The following ADAMTS20 variants were observed in gnomAD, a reference collection of about 807,000 sequenced individuals.
ADAMTS20 encodes ADAM metallopeptidase with thrombospondin type 1 motif 20.
A neutral mutation model predicts 260.1 loss-of-function variants in ADAMTS20; 225 were observed. That is an observed-to-expected ratio of 0.87 (90% CI 0.78 to 0.97). ADAMTS20 has a LOEUF of 0.97. Among genes scored for constraint, ADAMTS20 ranks in the 50% least tolerant of loss-of-function variants. ADAMTS20 has a pLI of 0.00. For synonymous variants in ADAMTS20, 802 were observed against 769.5 expected (o/e 1.04, Z -0.70); for missense variants, 2,400 against 2,337.7 (o/e 1.03, Z -0.55).
intron 15 of ADAMTS20, among the ~76,000 whole-genome samples, chr12:43,444,846 A>G (rs1941731512): frequency 6.6e-6 from 1 of 152,232 alleles, no homozygotes; most frequent in South Asian, 2.1e-4. Flanking sequence ...GCTTAAATTT[A>G]CAACCCTAAT....
At chr12:43,471,033 G>A (rs541562185) in intron 7 of ADAMTS20, among the ~76,000 whole-genome samples, 35 of 152,262 alleles carry the variant, frequency 2.3e-4, no homozygotes, top group African/African-American at 7.5e-4. Context: ...CAGCGTGAGC[G>A]ACGCAGAAGA....
chr12:43,419,975 A>C (rs1377734721), intron 28 of ADAMTS20, among the ~76,000 whole-genome samples: 1 of 152,216 alleles, frequency 6.6e-6, no homozygotes, highest in African/African-American at 2.4e-5. Context: ...GCAAAATATT[A>C]TTCTTTTATG....
intron 3 of ADAMTS20, among the ~76,000 whole-genome samples, chr12:43,514,007 A>G (rs559749029): frequency 6.7e-6 from 1 of 150,128 alleles, no homozygotes; most frequent in Non-Finnish European, 1.5e-5. Context: ...ACATGTATAC[A>G]TATGTAACTA....
In ADAMTS20 at chr12:43,550,958, A is replaced by G; in HGVS notation, c.404T>C (p.Val135Ala). The G allele has an allele frequency of 6.2e-7, 1 of 1,600,744 alleles. No individual in the cohort carries two copies. The highest frequency in any genetic ancestry group is 8.5e-7 in the Non-Finnish European group (1 of 1,171,362). ...DLRHCFYRGQ[V>A]NSQEDYKAVV... Reference sequence around the variant, plus strand: ...GGCCTTGTAATCCTCCTGTGAGTTGACCTGGCCGCGGTAGAAGCAGTGGCG... The same window carrying G: ...GGCCTTGTAATCCTCCTGTGAGTTGGCCTGGCCGCGGTAGAAGCAGTGGCG... The change falls in exon 2 of 39, where the codon GTC (valine) becomes GCC (alanine). Residue 135 changes from valine to alanine, a missense_variant. Val to Ala is a moderately conservative substitution (Grantham distance 64, BLOSUM62 0). Coordinates refer to ENST00000389420, the MANE Select transcript of ADAMTS20 (RefSeq NM_025003.5).
intron 3 of ADAMTS20, among the ~76,000 whole-genome samples, chr12:43,517,441 C>A (rs1376370796): frequency 6.6e-6 from 1 of 151,808 alleles, no homozygotes; most frequent in Non-Finnish European, 1.5e-5. Flanking sequence ...ATATCATTTA[C>A]AATACTGTCA....
In ADAMTS20 at chr12:43,551,248, G is replaced by C; in HGVS notation, c.114C>G (p.Thr38=). The C allele has an allele frequency of 6.2e-7, 1 of 1,613,514 alleles. No homozygotes were observed. Among genetic ancestry groups the C allele is most frequent in the Admixed American group, 1.7e-5 (1 of 60,014 alleles). The change falls in exon 2 of 39, where the codon ACC becomes ACG. Residue 38 remains threonine, a synonymous_variant. Coordinates refer to ENST00000389420, the MANE Select transcript of ADAMTS20 (RefSeq NM_025003.5). This position sits in a 1 kb window ranked among gnomAD's most constrained non-coding sequence, Gnocchi z 4.6. ...PRQEALVRTL[T]SYEVVIPERV... The stretch of plus-strand genomic sequence containing the variant: ...GCTCGGGGATCACTACTTCGTAGGA[G>C]GTCAGTGTCCTCACCAGGGCTTCTG...
At chr12:43,415,216 C>T (rs1941106515) in intron 28 of ADAMTS20, among the ~76,000 whole-genome samples, 2 of 151,992 alleles carry the variant, frequency 1.3e-5, no homozygotes, top group African/African-American at 4.8e-5. Context: ...AACTGCAAGG[C>T]GGGATGTGGG....
Position 43,443,817 on chromosome 12 carries a change from G to A in ADAMTS20, c.2264C>T (p.Ser755Phe), listed in dbSNP as rs1436853130. The change falls in exon 16 of 39, where the codon TCT (serine) becomes TTT (phenylalanine). Residue 755 changes from serine to phenylalanine, a missense_variant. Physicochemically the swap from Ser to Phe is radical, Grantham distance 155. Coordinates refer to ENST00000389420, the MANE Select transcript of ADAMTS20 (RefSeq NM_025003.5). ...TNVDIRQYSY[S>F]GQPDDSYLAL... ...AAGGTAACTGTCATCTGGTTGTCCA[G>A]AATAGCTGTACTGACGAATGTCAAC... is the stretch of plus-strand genomic sequence containing the variant. 13 of 1,612,462 alleles carry A rather than the reference G, an allele frequency of 8.1e-6. No homozygotes were observed. The East Asian group carries it at 8.9e-5, about 11-fold the overall frequency.
chr12:43,441,411 A>C (rs1941663725), intron 16 of ADAMTS20, among the ~76,000 whole-genome samples: 1 of 152,028 alleles, frequency 6.6e-6, no homozygotes. Flanking sequence ...ATGTCACCCA[A>C]AATCATGCGT....
chr12:43,542,074 C>G (rs1268150133), intron 2 of ADAMTS20, among the ~76,000 whole-genome samples: 1 of 152,148 alleles, frequency 6.6e-6, no homozygotes, highest in African/African-American at 2.4e-5. Flanking sequence ...TGTAATATTT[C>G]TCATTCTTGT....
At chr12:43,354,709 A>T (rs1399534058) in intron 38 of ADAMTS20, among the ~76,000 whole-genome samples, 2 of 146,152 alleles carry the variant, frequency 1.4e-5, no homozygotes, top group South Asian at 4.2e-4. Context: ...TAAAAGAAAG[A>T]TATTGTACAA....
At chr12:43,424,487 G>A (rs974688948) in intron 28 of ADAMTS20, among the ~76,000 whole-genome samples, 2 of 152,006 alleles carry the variant, frequency 1.3e-5, no homozygotes, top group African/African-American at 4.8e-5. Context: ...CTGTAAACAA[G>A]TTCTGTTATG....
chr12:43,456,009 T>C (rs1941958509), intron 11 of ADAMTS20, among the ~76,000 whole-genome samples: 1 of 152,244 alleles, frequency 6.6e-6, no homozygotes, highest in South Asian at 2.1e-4. Context: ...GAAATCTTGC[T>C]TTCAATTCTT....
intron 3 of ADAMTS20, among the ~76,000 whole-genome samples, chr12:43,526,403 A>C (rs957617755): frequency 6.6e-6 from 1 of 152,136 alleles, no homozygotes; most frequent in African/African-American, 2.4e-5. Flanking sequence ...GCTTGTGGTG[A>C]GCCGAGATCG....
intron 4 of ADAMTS20, among the ~76,000 whole-genome samples, chr12:43,497,974 A>G (rs1942700983): frequency 6.6e-6 from 1 of 152,104 alleles, no homozygotes; most frequent in South Asian, 2.1e-4. Flanking sequence ...AAATATACTG[A>G]AGAAAAAACT....
chr12:43,525,149 T>C (rs66547815), intron 3 of ADAMTS20, among the ~76,000 whole-genome samples: 15,422 of 152,206 alleles, frequency 0.1, 1,007 homozygotes, highest in Middle Eastern at 0.19. Flanking sequence ...TGGGAACCTA[T>C]AAAGGAAATC....
intron 15 of ADAMTS20, 132 bp from the exon 16 acceptor site, chr12:43,444,015 G>T: frequency 1.5e-6 from 1 of 647,858 alleles, no homozygotes; most frequent in Admixed American, 2.4e-5. Context: ...AAATTACACA[G>T]TGGTTATTCT....
Position 43,354,291 on chromosome 12 carries a change from G to A in ADAMTS20, c.5651C>T (p.Thr1884Ile). The change falls in exon 39 of 39, where the codon ACT (threonine) becomes ATT (isoleucine). Residue 1884 changes from threonine to isoleucine, a missense_variant. Coordinates refer to ENST00000389420, the MANE Select transcript of ADAMTS20 (RefSeq NM_025003.5). Reference protein sequence around the residue: ...SVSIRRSEDGTRFFGKCGGYC... With the variant: ...SVSIRRSEDGIRFFGKCGGYC... ...CCCTCCACATTTGCCGAAAAATCTA[G>A]TTCCATCCTGAAAATCGGAAGAAGA... 1.3e-6 allele frequency: 2 copies of A among 1,584,184 alleles called. No individual in the cohort carries two copies. Among genetic ancestry groups the A allele is most frequent in the Non-Finnish European group, 1.7e-6 (2 of 1,163,146 alleles).
chr12:43,508,311 A>T (rs936807868), intron 3 of ADAMTS20, among the ~76,000 whole-genome samples: 2 of 152,172 alleles, frequency 1.3e-5, no homozygotes, highest in Non-Finnish European at 2.9e-5. Context: ...ACCAAATAAG[A>T]TAGGTGCTAT....
Sources: allele counts gnomAD v4.1 joint callset (sites outside exome capture counted in the v4.1 genomes callset), GRCh38; gene constraint gnomAD v4.1.1; non-coding constraint Gnocchi (gnomAD v3.1); transcripts MANE v1.5; gene names NCBI Gene and HGNC (gene_info 2026-07-23, HGNC 2026-07-21).